OSMR: variants seen among roughly 807,000 people sequenced by gnomAD.
OSMR encodes oncostatin M receptor, also known as oncostatin-M-specific receptor subunit beta.
In OSMR, 81 loss-of-function variants were observed where a neutral mutation model predicts 99.9. The observed-to-expected ratio is 0.81, with a 90% CI of 0.68 to 0.97. The LOEUF (loss-of-function observed/expected upper bound fraction) is 0.97. Among genes scored for constraint, OSMR ranks in the 50% least tolerant of loss-of-function variants. The probability of loss-of-function intolerance (pLI) is 0.00; values close to 1 mark genes in which losing one functional copy is unlikely to be tolerated. For synonymous variants in OSMR, 406 were observed against 410.4 expected, an observed-to-expected ratio of 0.99 and a Z score of 0.13; for missense variants, 1,099 against 1,153.4, an observed-to-expected ratio of 0.95 and a Z score of 0.68.
chr5:38,943,780 T>A (rs1747869074), intron 1 of OSMR, among the ~76,000 whole-genome samples: 1 of 152,042 alleles, frequency 6.6e-6, no homozygotes, highest in Admixed American at 6.6e-5. Context: ...ACCACTGCAC[T>A]CCAGCCTGGG....
At chr5:38,849,986 C>A (rs1412440545) in intron 1 of OSMR, among the ~76,000 whole-genome samples, 1 of 152,108 alleles carries the variant, frequency 6.6e-6, no homozygotes, top group Non-Finnish European at 1.5e-5. Flanking sequence ...ATATTTATAT[C>A]CTACTCATGG....
chr5:38,944,434 T>C (rs979181570), intron 2 of OSMR: 1 of 1,592,624 alleles, frequency 6.3e-7, no homozygotes, highest in Non-Finnish European at 8.5e-7. Context: ...CTCATGCACA[T>C]AGTTTACTCA....
At chr5:38,887,263 A>T (rs1193056098) in intron 7 of OSMR, among the ~76,000 whole-genome samples, 1 of 152,190 alleles carries the variant, frequency 6.6e-6, no homozygotes, top group African/African-American at 2.4e-5. Context: ...ATAATTTTAT[A>T]AAAATATTTT....
intron 2 of OSMR, among the ~76,000 whole-genome samples, chr5:38,872,740 G>A (rs1439643324): frequency 1.3e-5 from 2 of 152,024 alleles, no homozygotes; most frequent in Non-Finnish European, 2.9e-5. Context: ...TATAATGACT[G>A]TTAACATTTT....
intron 1 of OSMR, among the ~76,000 whole-genome samples, chr5:38,857,020 C>A (rs1031115763): frequency 6.6e-6 from 1 of 152,186 alleles, no homozygotes; most frequent in African/African-American, 2.4e-5. Context: ...TGTAAATACT[C>A]ATGTCTTTCC....
intron 1 of OSMR, among the ~76,000 whole-genome samples, chr5:38,863,918 TTCTTTTTC>T (rs70982517): frequency 0.2 from 30,090 of 152,044 alleles, 3,371 homozygotes; most frequent in Admixed American, 0.27. Context: ...TATAACAACT[TTCTTTTTC>T]TCTTTTTCTG....
intron 1 of OSMR, among the ~76,000 whole-genome samples, chr5:38,849,805 A>G (rs1266088959): frequency 1.3e-5 from 2 of 152,234 alleles, no homozygotes; most frequent in African/African-American, 4.8e-5. Flanking sequence ...GTTTGGATAA[A>G]TTACTTGTCA....
At chr5:38,901,918 G>T (rs573730848) in intron 7 of OSMR, among the ~76,000 whole-genome samples, 1 of 152,166 alleles carries the variant, frequency 6.6e-6, no homozygotes, top group Non-Finnish European at 1.5e-5. Context: ...CCTACCAGCT[G>T]CTGGGCCTCA....
chr5:38,880,000 A>G (rs892653240), intron 3 of OSMR, among the ~76,000 whole-genome samples: 3 of 152,184 alleles, frequency 2.0e-5, no homozygotes, highest in African/African-American at 7.2e-5. Context: ...GTTAAGGAAC[A>G]TATTTTGTGA....
Position 38,904,377 on chromosome 5 carries a change from G to A in OSMR, c.1159G>A (p.Gly387Ser), listed in dbSNP as rs532733021. Reference protein sequence around the residue: ...MQYNVSIKVNGEYFLSELEPA... With the variant: ...MQYNVSIKVNSEYFLSELEPA... Reference sequence around the variant, plus strand: ...GTACAATGTTTCCATCAAGGTGAACGGTGAGTACTTCTTAAGTGAACTGGA... The same window carrying A: ...GTACAATGTTTCCATCAAGGTGAACAGTGAGTACTTCTTAAGTGAACTGGA... The change falls in exon 9 of 18, where the codon GGT becomes AGT. Residue 387 changes from glycine to serine, a missense_variant. Transcript: ENST00000274276. 1.9e-5 allele frequency: 31 copies of A among 1,613,886 alleles called. No homozygotes were observed. The South Asian group carries it at 2.1e-4, about 11-fold the overall frequency.
At chr5:38,925,454 C>A in intron 15 of OSMR, 83 bp downstream of exon 15, 1 of 1,252,322 alleles carries the variant, frequency 8.0e-7, no homozygotes, top group Non-Finnish European at 1.2e-6. Context: ...TAGGCTTTGT[C>A]TAGATCAGGA....
intron 15 of OSMR, among the ~76,000 whole-genome samples, chr5:38,931,490 G>A (rs1280916822): frequency 6.6e-6 from 1 of 152,158 alleles, no homozygotes; most frequent in Non-Finnish European, 1.5e-5. Context: ...AAGCACTTAC[G>A]TTACAATTAC....
At chr5:38,937,180 C>T (rs1579828572), downstream of OSMR, among the ~76,000 whole-genome samples, 1 of 152,252 alleles carries the variant, frequency 6.6e-6, no homozygotes. The surrounding 1 kb of genome is among the most constrained non-coding windows in gnomAD (Gnocchi z 4.0). Context: ...CTACAGGTGC[C>T]GGCCACCACG....
intron 4 of OSMR, among the ~76,000 whole-genome samples, chr5:38,882,921 C>T (rs1321601338): frequency 6.6e-6 from 1 of 152,208 alleles, no homozygotes; most frequent in Non-Finnish European, 1.5e-5. Context: ...GGAGCTGGAA[C>T]TCCAACCCAG....
chr5:38,888,669 A>G (rs1743960194), intron 7 of OSMR, among the ~76,000 whole-genome samples: 1 of 152,098 alleles, frequency 6.6e-6, no homozygotes, highest in Non-Finnish European at 1.5e-5. Flanking sequence ...AAATAATTGT[A>G]CTATATCATC....
Position 38,932,957 on chromosome 5 carries a change from T to C in OSMR, c.2453T>C (p.Ile818Thr), listed in dbSNP as rs1746833699. Residue 818 changes from isoleucine to threonine, a missense_variant, in exon 18 of 18, where the codon ATA becomes ACA. Transcript: ENST00000274276. ...EVVSKPEGTK[I>T]QFLGTRKSLT... ...GTAAGCAAGCCAGAAGGGACAAAGA[T>C]ACAGTTCCTAGGCACTAGGAAGTCA... 1 of 1,614,186 alleles carries C rather than the reference T, an allele frequency of 6.2e-7. No homozygotes were observed.
intron 15 of OSMR, among the ~76,000 whole-genome samples, chr5:38,930,810 TGAG>T (rs1054264446): frequency 3.6e-4 from 54 of 151,956 alleles, no homozygotes; most frequent in Non-Finnish European, 5.0e-4. Flanking sequence ...GGAAAAAAAA[TGAG>T]GAGGATTATA....
At chr5:38,886,644 A>G (rs1743794626) in intron 7 of OSMR, 1 of 154,704 alleles carries the variant, frequency 6.5e-6, no homozygotes, top group African/African-American at 2.4e-5. Flanking sequence ...TTAAATTGCT[A>G]ATATTTGCCC....
chr5:38,881,252 G>A (rs1743261573), intron 3 of OSMR, among the ~76,000 whole-genome samples: 1 of 151,796 alleles, frequency 6.6e-6, no homozygotes, highest in Non-Finnish European at 1.5e-5. Context: ...AACTTTCTTA[G>A]CAGATTCTCT....
Sources: allele counts gnomAD v4.1 joint callset (sites outside exome capture counted in the v4.1 genomes callset), GRCh38; gene constraint gnomAD v4.1.1; non-coding constraint Gnocchi (gnomAD v3.1); transcripts MANE v1.5; gene names NCBI Gene and HGNC (gene_info 2026-07-23, HGNC 2026-07-21).